FAM107B: variants seen among roughly 807,000 people sequenced by gnomAD.
The protein encoded by FAM107B is family with sequence similarity 107 member B, also known as protein FAM107B.
In FAM107B, 21 loss-of-function variants were observed where a neutral mutation model predicts 31.5. The ratio of observed to expected loss-of-function variants is 0.67; its 90% CI spans 0.47 to 0.96. The LOEUF is 0.96. Ranked by LOEUF, FAM107B falls within the 40% of genes least tolerant of loss-of-function variation. The pLI, the probability that FAM107B is intolerant of heterozygous loss-of-function variation, is 0.00. For missense variants in FAM107B, 452 were observed against 377.1 expected (o/e 1.20, Z -1.64); for synonymous variants, 157 against 141.5 (o/e 1.11, Z -0.78).
intron 1 of FAM107B, among the ~76,000 whole-genome samples, chr10:14,713,790 C>G (rs1480928828): frequency 6.6e-6 from 1 of 151,992 alleles, no homozygotes; most frequent in Non-Finnish European, 1.5e-5. Flanking sequence ...AAATGCCCAT[C>G]AAGAGTAGGC....
intron 3 of FAM107B, chr10:14,527,962 G>A (rs1245694005): frequency 6.9e-6 from 2 of 291,298 alleles, no homozygotes; most frequent in Middle Eastern, 1.0e-3. Flanking sequence ...GAGATAAGAT[G>A]AGATATATTT....
intron 1 of FAM107B, among the ~76,000 whole-genome samples, chr10:14,742,275 C>A (rs1452129081): frequency 6.8e-6 from 1 of 146,718 alleles, no homozygotes; most frequent in Admixed American, 6.8e-5. Flanking sequence ...TGCCACCACA[C>A]CCAGCTCATT....
At chr10:14,553,247 G>T (rs1282047366) in intron 2 of FAM107B, 2 of 708,344 alleles carry the variant, frequency 2.8e-6, no homozygotes, top group Non-Finnish European at 3.9e-6. Context: ...CTGTTCACAG[G>T]TAAGTTTTTC....
intron 1 of FAM107B, among the ~76,000 whole-genome samples, chr10:14,704,066 A>G (rs879337363): frequency 6.6e-5 from 10 of 152,216 alleles, no homozygotes; most frequent in Non-Finnish European, 1.0e-4. Flanking sequence ...TGAGAGAAAC[A>G]GCAATCATGG....
chr10:14,582,755 A>G (rs571536612), intron 2 of FAM107B, among the ~76,000 whole-genome samples: 44 of 152,102 alleles, frequency 2.9e-4, no homozygotes, highest in Non-Finnish European at 5.7e-4. Context: ...ATTACTGTAT[A>G]ACTCTATGAA....
At position 14,533,829 on chromosome 10, in the gene FAM107B, G is replaced by C. The variant is rs149457024; in HGVS notation, c.470-3314C>G. On this transcript the variant is annotated intron_variant, in intron 2 of 4. Coordinates refer to ENST00000181796, the MANE Select transcript of FAM107B (RefSeq NM_031453.4). ...TTTTTCTGACTTCTCTTTAGATTTA[G>C]TTGCTTGGAAATCTTTCTTCTCACA... Among the ~76,000 whole-genome samples the C allele has an allele frequency of 6.2e-4, 95 of 152,234 alleles. 1 individual carries two copies. In the East Asian group the frequency reaches 0.017, roughly 27 times the overall value.
chr10:14,694,127 ACTTAGGTTGTTTCCATAG>A (rs1855210771), intron 1 of FAM107B, among the ~76,000 whole-genome samples: 1 of 152,194 alleles, frequency 6.6e-6, no homozygotes, highest in Admixed American at 6.5e-5. Context: ...ACTGATGGAC[ACTTAGGTTGTTTCCATAG>A]CTTAGCTAGT....
chr10:14,701,300 A>G (rs909606209), intron 1 of FAM107B, among the ~76,000 whole-genome samples: 6 of 151,980 alleles, frequency 3.9e-5, no homozygotes, highest in Admixed American at 6.6e-5. Context: ...GCTGGAGTGC[A>G]GTGGTGTGAT....
chr10:14,606,787 G>C (rs968471127), intron 2 of FAM107B, among the ~76,000 whole-genome samples: 1 of 150,242 alleles, frequency 6.7e-6, no homozygotes, highest in Non-Finnish European at 1.5e-5. Context: ...ACAATGAAAA[G>C]GCCGCCAACT....
At chr10:14,689,430 G>T (rs1855073187) in intron 1 of FAM107B, among the ~76,000 whole-genome samples, 1 of 150,336 alleles carries the variant, frequency 6.7e-6, no homozygotes, top group South Asian at 2.1e-4. Context: ...GAAGCTCCTA[G>T]AGAAGGAAAG....
intron 2 of FAM107B, chr10:14,602,332 T>A (rs1852426310): frequency 6.6e-6 from 1 of 152,208 alleles, no homozygotes; most frequent in Non-Finnish European, 1.5e-5. Context: ...ATCCTAATGA[T>A]CAACCTACTT....
chr10:14,548,355 A>T, intron 2 of FAM107B: 1 of 933,094 alleles, frequency 1.1e-6, no homozygotes, highest in Non-Finnish European at 1.3e-6. Context: ...TGCTCTTCCG[A>T]CTGCACCTCC....
At chr10:14,771,912 A>G (rs1388300475) in intron 1 of FAM107B, among the ~76,000 whole-genome samples, 1 of 152,242 alleles carries the variant, frequency 6.6e-6, no homozygotes, top group Non-Finnish European at 1.5e-5. Context: ...AATTAGTAGT[A>G]GAAGCACATT....
chr10:14,557,393 A>G (rs1849793904), intron 2 of FAM107B, among the ~76,000 whole-genome samples: 1 of 152,178 alleles, frequency 6.6e-6, no homozygotes, highest in Non-Finnish European at 1.5e-5. Context: ...GCAGTCTATA[A>G]ACATTTTTAT....
At chr10:14,579,581 A>G (rs1302825681) in intron 2 of FAM107B, among the ~76,000 whole-genome samples, 1 of 152,230 alleles carries the variant, frequency 6.6e-6, no homozygotes, top group Non-Finnish European at 1.5e-5. Flanking sequence ...ACTTAAGCAA[A>G]TCCAGAAATT....
At chr10:14,576,529 A>AAACAACAACAACAACAACAACAACAAC (rs113340570) in intron 2 of FAM107B, among the ~76,000 whole-genome samples, 2 of 147,194 alleles carry the variant, frequency 1.4e-5, no homozygotes, top group African/African-American at 5.3e-5. Context: ...TACATCTCAA[A>AAACAACAACAACAACAACAACAACAAC]AACAACAACA....
At chr10:14,659,288 A>G (rs993433478) in intron 2 of FAM107B, among the ~76,000 whole-genome samples, 1 of 152,022 alleles carries the variant, frequency 6.6e-6, no homozygotes, top group African/African-American at 2.4e-5. Flanking sequence ...TGAAAATACA[A>G]AAATTAGCTG....
intron 1 of FAM107B, among the ~76,000 whole-genome samples, chr10:14,770,482 C>G (rs1833276931): frequency 6.6e-6 from 1 of 152,010 alleles, no homozygotes; most frequent in Non-Finnish European, 1.5e-5. Context: ...GAGATCGCAC[C>G]ACTACACTCC....
chr10:14,738,000 C>T (rs1272526919), intron 1 of FAM107B, among the ~76,000 whole-genome samples: 2 of 152,110 alleles, frequency 1.3e-5, no homozygotes, highest in African/African-American at 4.8e-5. Context: ...CCGCTAATGC[C>T]ACCACTCTAG....
Sources: allele counts gnomAD v4.1 joint callset (sites outside exome capture counted in the v4.1 genomes callset), GRCh38; gene constraint gnomAD v4.1.1; transcripts MANE v1.5; gene names NCBI Gene and HGNC (gene_info 2026-07-23, HGNC 2026-07-21).